Variants in KIF6 observed in about 807,000 individuals in gnomAD.
KIF6 encodes kinesin family member 6.
In KIF6, 106 loss-of-function variants were observed where a neutral mutation model predicts 112.7. The ratio of observed to expected loss-of-function variants is 0.94; its 90% CI spans 0.80 to 1.11. The LOEUF (loss-of-function observed/expected upper bound fraction) is 1.11, where lower values mean the gene tolerates loss of function less well. Ranked by LOEUF, KIF6 falls within the 50% of genes least tolerant of loss-of-function variation. The pLI, the probability that KIF6 is intolerant of heterozygous loss-of-function variation, is 0.00. For missense variants in KIF6, 929 were observed against 964.0 expected (o/e 0.96, Z 0.48); for synonymous variants, 339 against 339.9 (o/e 1.00, Z 0.03).
chr6:39,575,841 A>G (rs1029984013), intron 10 of KIF6, among the ~76,000 whole-genome samples: 2 of 152,052 alleles, frequency 1.3e-5, no homozygotes, highest in Non-Finnish European at 2.9e-5. Flanking sequence ...TGCTGCACCC[A>G]TGCCTTAGTC....
Position 39,357,449 on chromosome 6 carries a change from T to C in KIF6, c.2083-75A>G, listed in dbSNP as rs1764793043. The C allele has an allele frequency of 8.3e-5, 7 of 83,906 alleles. No homozygotes were observed. In the South Asian group the frequency reaches 1.9e-3, roughly 22 times the overall value. The allele number at this position is 83,906 out of a possible 1,614,324, so 5.2% of individuals were successfully genotyped here. A position where few individuals can be genotyped will look rare whatever the true frequency, so the allele number is the denominator to read the frequency against. Reference sequence around the variant, plus strand: ...TAGGAAGATGTTTTTGATGTAATTCTTTTTTTTTTTTTTTTTTGAGATGGA... The same window carrying C: ...TAGGAAGATGTTTTTGATGTAATTCCTTTTTTTTTTTTTTTTTGAGATGGA... On this transcript the variant is annotated intron_variant, in intron 18 of 22. Coordinates refer to ENST00000287152, the MANE Select transcript of KIF6 (RefSeq NM_145027.6).
At chr6:39,628,425 A>T (rs1784197089) in intron 5 of KIF6, among the ~76,000 whole-genome samples, 1 of 152,064 alleles carries the variant, frequency 6.6e-6, no homozygotes, top group African/African-American at 2.4e-5. Context: ...CAATTTTATC[A>T]TATGGGTAGC....
intron 13 of KIF6, among the ~76,000 whole-genome samples, chr6:39,490,631 G>A (rs984564448): frequency 6.6e-6 from 1 of 152,180 alleles, no homozygotes; most frequent in African/African-American, 2.4e-5. Context: ...CTGGAGCTTG[G>A]GAAAGGGTAT....
At chr6:39,679,082 C>T (rs1787346259) in intron 3 of KIF6, among the ~76,000 whole-genome samples, 4 of 152,224 alleles carry the variant, frequency 2.6e-5, no homozygotes. Flanking sequence ...AAATTTACAA[C>T]TAACATCTTT....
chr6:39,634,634 T>C (rs1354278567), intron 5 of KIF6, among the ~76,000 whole-genome samples: 1 of 152,060 alleles, frequency 6.6e-6, no homozygotes, highest in Non-Finnish European at 1.5e-5. Flanking sequence ...CAAAAGAGAT[T>C]TTCCCAAGAA....
chr6:39,562,077 T>TGTCCTG (rs1780036707), intron 10 of KIF6, among the ~76,000 whole-genome samples: 1 of 152,258 alleles, frequency 6.6e-6, no homozygotes, highest in African/African-American at 2.4e-5. Flanking sequence ...AATTAGGCTC[T>TGTCCTG]GTCCTGTGTT....
At chr6:39,709,497 C>T (rs1391051710) in intron 3 of KIF6, among the ~76,000 whole-genome samples, 1 of 152,226 alleles carries the variant, frequency 6.6e-6, no homozygotes, top group Non-Finnish European at 1.5e-5. Context: ...CAGCACTCAC[C>T]TCCTACTGTG....
At chr6:39,595,953 TC>T in intron 7 of KIF6, 100 bp downstream of exon 7, 1 of 859,044 alleles carries the variant, frequency 1.2e-6, no homozygotes, top group Non-Finnish European at 1.8e-6. Context: ...TATATATATT[TC>T]ATCATAATAA....
At chr6:39,520,937 T>C (rs1777363046) in intron 13 of KIF6, among the ~76,000 whole-genome samples, 1 of 152,226 alleles carries the variant, frequency 6.6e-6, no homozygotes, top group Non-Finnish European at 1.5e-5. Flanking sequence ...TCAGAACAAT[T>C]GATAGATGTT....
intron 16 of KIF6, among the ~76,000 whole-genome samples, chr6:39,380,291 C>T (rs1246256117): frequency 6.6e-6 from 1 of 152,304 alleles, no homozygotes; most frequent in Non-Finnish European, 1.5e-5. Flanking sequence ...TGATGTTTGT[C>T]TTAAAAGACA....
intron 10 of KIF6, among the ~76,000 whole-genome samples, chr6:39,565,552 C>T (rs911120010): frequency 1.3e-5 from 2 of 152,210 alleles, no homozygotes; most frequent in Non-Finnish European, 2.9e-5. Context: ...TCTCTCTGAA[C>T]TCTCTTTAGC....
At chr6:39,547,678 G>T (rs182114638) in intron 10 of KIF6, among the ~76,000 whole-genome samples, 4 of 152,040 alleles carry the variant, frequency 2.6e-5, no homozygotes, top group African/African-American at 4.8e-5. Context: ...TATACATTTT[G>T]GTTTGTTGTT....
At chr6:39,437,004 G>T (rs1771574216) in intron 13 of KIF6, among the ~76,000 whole-genome samples, 2 of 148,938 alleles carry the variant, frequency 1.3e-5, no homozygotes. Flanking sequence ...ATGAGCATGG[G>T]ATGTTTTTCC....
At chr6:39,358,854 C>A (rs892784358) in intron 18 of KIF6, among the ~76,000 whole-genome samples, 1 of 152,218 alleles carries the variant, frequency 6.6e-6, no homozygotes, top group Non-Finnish European at 1.5e-5. Context: ...TATCACCTGA[C>A]AGTTGGTGTA....
chr6:39,462,265 G>A (rs1207509226), intron 13 of KIF6, among the ~76,000 whole-genome samples: 1 of 152,160 alleles, frequency 6.6e-6, no homozygotes, highest in East Asian at 1.9e-4. Flanking sequence ...GAACTTGTTG[G>A]CACCATTCCT....
intron 13 of KIF6, among the ~76,000 whole-genome samples, chr6:39,503,716 G>A (rs922786319): frequency 3.3e-5 from 5 of 151,790 alleles, no homozygotes; most frequent in African/African-American, 1.2e-4. Context: ...ACATAAACTG[G>A]AAAATCCAGA....
intron 13 of KIF6, among the ~76,000 whole-genome samples, chr6:39,495,768 TC>T (rs1775746619): frequency 6.6e-6 from 1 of 152,196 alleles, no homozygotes; most frequent in South Asian, 2.1e-4. Context: ...GATCAGAGAA[TC>T]CCTCTCTCAC....
chr6:39,376,509 G>A (rs1274670899), intron 16 of KIF6, among the ~76,000 whole-genome samples: 5 of 152,204 alleles, frequency 3.3e-5, no homozygotes, highest in South Asian at 2.1e-4. Context: ...AAACCTGAGC[G>A]CAGAGCCCCT....
chr6:39,351,563 G>A (rs560114097), intron 19 of KIF6, among the ~76,000 whole-genome samples: 2 of 151,570 alleles, frequency 1.3e-5, no homozygotes, highest in Non-Finnish European at 2.9e-5. Context: ...CAAGCATAGT[G>A]TATTTCTACC....
Sources: allele counts gnomAD v4.1 joint callset (sites outside exome capture counted in the v4.1 genomes callset), GRCh38; gene constraint gnomAD v4.1.1; transcripts MANE v1.5; gene names NCBI Gene and HGNC (gene_info 2026-07-23, HGNC 2026-07-21).